AGBL1: variants seen among roughly 807,000 people sequenced by gnomAD.
AGBL1 encodes the protein cytosolic carboxypeptidase 4.
AGBL1 carries 130 observed loss-of-function variants against 118.9 expected under a neutral mutation model. That is an observed-to-expected ratio of 1.09 (90% CI 0.95 to 1.26). The LOEUF is 1.26. Among genes scored for constraint, AGBL1 ranks in the 50% most tolerant of loss-of-function variants. The probability of loss-of-function intolerance (pLI) is 0.00; values close to 1 mark genes in which losing one functional copy is unlikely to be tolerated. For synonymous variants in AGBL1, 555 were observed against 478.9 expected (o/e 1.16, Z -2.08); for missense variants, 1,584 against 1,298.1 (o/e 1.22, Z -3.38).
chr15:86,186,200 A>G (rs1372897904), intron 5 of AGBL1, among the ~76,000 whole-genome samples: 2 of 151,946 alleles, frequency 1.3e-5, no homozygotes, highest in African/African-American at 2.4e-5. Flanking sequence ...ATTGCGGGGA[A>G]CAACAGGCGC....
intron 5 of AGBL1, among the ~76,000 whole-genome samples, chr15:86,214,829 A>G (rs1303641349): frequency 2.0e-5 from 3 of 152,210 alleles, no homozygotes; most frequent in African/African-American, 7.2e-5. Flanking sequence ...TCCTGGTTCT[A>G]TCTCAGGCAG....
intron 22 of AGBL1, among the ~76,000 whole-genome samples, chr15:86,729,661 G>C (rs1191802944): frequency 2.0e-5 from 3 of 152,072 alleles, no homozygotes; most frequent in Non-Finnish European, 2.9e-5. Context: ...ACCGCATTTT[G>C]TCTGTCCAGC....
At chr15:86,258,396 A>G (rs928756527) in intron 9 of AGBL1, among the ~76,000 whole-genome samples, 2 of 152,164 alleles carry the variant, frequency 1.3e-5, no homozygotes, top group African/African-American at 4.8e-5. Flanking sequence ...TGCCTTTGTA[A>G]GTCACTCTTC....
intron 17 of AGBL1, among the ~76,000 whole-genome samples, chr15:86,342,834 A>G (rs1254761601): frequency 1.3e-5 from 2 of 152,224 alleles, no homozygotes; most frequent in East Asian, 3.8e-4. Context: ...TTTCTGCCTT[A>G]AAGGAGCTTA....
chr15:86,599,022 T>C (rs2084451241), intron 21 of AGBL1, among the ~76,000 whole-genome samples: 2 of 152,248 alleles, frequency 1.3e-5, no homozygotes, highest in East Asian at 3.9e-4. Flanking sequence ...AAATAGATTA[T>C]TAACTTTAAT....
intron 5 of AGBL1, among the ~76,000 whole-genome samples, chr15:86,199,869 C>T (rs1303873147): frequency 6.6e-6 from 1 of 152,124 alleles, no homozygotes; most frequent in African/African-American, 2.4e-5. Context: ...CAAAAAGTCA[C>T]CTTAGTCAAG....
At chr15:86,980,524 A>G (rs191121752) in intron 23 of AGBL1, among the ~76,000 whole-genome samples, 2 of 152,316 alleles carry the variant, frequency 1.3e-5, no homozygotes, top group African/African-American at 2.4e-5. Context: ...GATACTTAAA[A>G]AGTAACTTCC....
At chr15:86,818,161 G>T (rs2141381716) in intron 22 of AGBL1, among the ~76,000 whole-genome samples, 1 of 152,236 alleles carries the variant, frequency 6.6e-6, no homozygotes, top group East Asian at 1.9e-4. Context: ...AGATGGTATG[G>T]GTTGCCTTCT....
intron 4 of AGBL1, among the ~76,000 whole-genome samples, chr15:86,157,182 T>C (rs1424500236): frequency 1.3e-5 from 2 of 152,160 alleles, no homozygotes; most frequent in African/African-American, 4.8e-5. Context: ...GGATAGATGC[T>C]TGAATCCTTG....
intron 22 of AGBL1, among the ~76,000 whole-genome samples, chr15:86,823,844 T>A (rs2078973001): frequency 2.0e-5 from 3 of 152,096 alleles, no homozygotes; most frequent in Admixed American, 2.0e-4. Context: ...ACTCATAGAA[T>A]TATTGTGGAA....
At chr15:86,902,520 C>T (rs1158189791) in intron 22 of AGBL1, among the ~76,000 whole-genome samples, 1 of 151,986 alleles carries the variant, frequency 6.6e-6, no homozygotes, top group East Asian at 1.9e-4. Context: ...TTTCTGCCTG[C>T]TTGTGTTAAA....
At chr15:86,500,304 A>C (rs896644421) in intron 18 of AGBL1, among the ~76,000 whole-genome samples, 7 of 151,758 alleles carry the variant, frequency 4.6e-5, no homozygotes, top group African/African-American at 1.7e-4. Context: ...ACTTGCTAAT[A>C]AATTGTGGTT....
intron 22 of AGBL1, among the ~76,000 whole-genome samples, chr15:86,882,500 G>A (rs942856113): frequency 6.6e-6 from 1 of 152,102 alleles, no homozygotes; most frequent in Admixed American, 6.6e-5. Context: ...TGAGTTGAGT[G>A]ACCTTAGATA....
Position 86,734,062 on chromosome 15 carries a change from C to T in AGBL1, c.3158+59626C>T, listed in dbSNP as rs375181082. 2.0e-5 allele frequency among the ~76,000 whole-genome samples: 3 copies of T among 152,200 alleles called. No individual in the cohort carries two copies. In the East Asian group the frequency reaches 5.8e-4, roughly 29 times the overall value. ...GAAGGGGAGTGACCTTTATTGAAAC[C>T]GTTCTTTGTACTGGACCCTGTTCTA... On this transcript the variant is annotated intron_variant, in intron 22 of 22. Transcript: ENST00000614907.
chr15:86,610,491 C>T (rs995300495), intron 21 of AGBL1, among the ~76,000 whole-genome samples: 1 of 152,114 alleles, frequency 6.6e-6, no homozygotes, highest in Non-Finnish European at 1.5e-5. Context: ...CTTTGGGCGA[C>T]AGCTAAAAAA....
intron 24 of AGBL1, among the ~76,000 whole-genome samples, chr15:87,004,424 T>A (rs2081475420): frequency 6.6e-6 from 1 of 152,202 alleles, no homozygotes; most frequent in African/African-American, 2.4e-5. Context: ...GTTGAATTGA[T>A]CCCTTTACCA....
chr15:86,961,325 C>T (rs1040293957), intron 23 of AGBL1, among the ~76,000 whole-genome samples: 1 of 151,922 alleles, frequency 6.6e-6, no homozygotes, highest in Non-Finnish European at 1.5e-5. Flanking sequence ...AAAAAAAAGC[C>T]AATGAGGGTC....
intron 21 of AGBL1, among the ~76,000 whole-genome samples, chr15:86,581,285 GACC>G (rs1465434172): frequency 1.3e-5 from 2 of 152,074 alleles, no homozygotes; most frequent in Non-Finnish European, 2.9e-5. Context: ...GGAATAAAAT[GACC>G]ACTTTTATCT....
chr15:86,383,275 A>AAAAT lies in AGBL1; in HGVS notation c.2375-14091_2375-14090insAAAT, dbSNP rs544397935. On this transcript the variant is annotated intron_variant, in intron 17 of 22. Transcript: ENST00000614907. ...AAAAAAAAAAAAAAAAAAAAAAAAA[A>AAAAT]TCCTAATTGCTTATCTTAAGTATTT... 2.5e-3 allele frequency among the ~76,000 whole-genome samples: 297 copies of AAAAT among 118,890 alleles called. 28 individuals are homozygous for AAAAT. Among genetic ancestry groups the AAAAT allele is most frequent in the East Asian group, 0.013 (45 of 3,524 alleles). 78.0% of individuals were successfully genotyped at this position (118,890 alleles called of 152,430 possible). A position where few individuals can be genotyped will look rare whatever the true frequency, so the allele number is the denominator to read the frequency against.
Sources: allele counts gnomAD v4.1 joint callset (sites outside exome capture counted in the v4.1 genomes callset), GRCh38; gene constraint gnomAD v4.1.1; transcripts MANE v1.5; gene names NCBI Gene and HGNC (gene_info 2026-07-23, HGNC 2026-07-21).